The following NUP98 variants were observed in gnomAD, a reference collection of about 807,000 sequenced individuals.
NUP98 encodes the protein nuclear pore complex protein Nup98-Nup96.
A neutral mutation model predicts 191.9 loss-of-function variants in NUP98; 26 were observed. The observed-to-expected ratio is 0.14, with a 90% CI of 0.10 to 0.19. The LOEUF is 0.19. Among genes scored for constraint, NUP98 ranks in the 10% least tolerant of loss-of-function variants. The probability of loss-of-function intolerance (pLI) is 1.00; values close to 1 mark genes in which losing one functional copy is unlikely to be tolerated. For synonymous variants in NUP98, 808 were observed against 778.4 expected, an observed-to-expected ratio of 1.04 and a Z score of -0.63; for missense variants, 1,941 against 2,178.8, an observed-to-expected ratio of 0.89 and a Z score of 2.17.
At chr11:3,791,085 C>G (rs73430457) in intron 1 of NUP98, among the ~76,000 whole-genome samples, 3 of 151,590 alleles carry the variant, frequency 2.0e-5, no homozygotes, top group Non-Finnish European at 2.9e-5. Flanking sequence ...TTAGTAGAGA[C>G]GGGTTTTCAC....
chr11:3,693,017 A>C (rs552335421), intron 27 of NUP98: 13 of 482,514 alleles, frequency 2.7e-5, no homozygotes, highest in African/African-American at 9.7e-5. Flanking sequence ...AATGAAGAAG[A>C]ACCCTCTGAT....
chr11:3,778,264 C>T (rs928532526), intron 4 of NUP98, among the ~76,000 whole-genome samples: 1 of 149,152 alleles, frequency 6.7e-6, no homozygotes, highest in African/African-American at 2.5e-5. Flanking sequence ...TTCTTCCATA[C>T]TCTTGTGCCA....
At chr11:3,762,872 T>C (rs1462735128) in intron 9 of NUP98, 30 bp downstream of exon 9, 5 of 1,605,312 alleles carry the variant, frequency 3.1e-6, no homozygotes, top group Non-Finnish European at 4.2e-6. Context: ...TACACACATC[T>C]TCAAATTACA....
intron 12 of NUP98, among the ~76,000 whole-genome samples, chr11:3,744,244 G>A (rs2080404108): frequency 6.6e-6 from 1 of 152,052 alleles, no homozygotes. Context: ...AGTAATATAA[G>A]CACATTTAGC....
chr11:3,722,679 G>A (rs894865382), intron 16 of NUP98, among the ~76,000 whole-genome samples: 6 of 151,976 alleles, frequency 3.9e-5, no homozygotes, highest in Admixed American at 2.0e-4. Flanking sequence ...AACGGGGTGT[G>A]GTATCATGTG....
At chr11:3,682,409 T>TA (rs2134013526) in intron 30 of NUP98, among the ~76,000 whole-genome samples, 1 of 152,340 alleles carries the variant, frequency 6.6e-6, no homozygotes, top group African/African-American at 2.4e-5. Context: ...TGTTTAAAGT[T>TA]AGAGTTGTGC....
At chr11:3,716,857 T>C (rs181502754) in intron 18 of NUP98, among the ~76,000 whole-genome samples, 55 of 152,224 alleles carry the variant, frequency 3.6e-4, no homozygotes, top group Admixed American at 6.5e-4. Flanking sequence ...GACCTCCAAA[T>C]TGTTCTTTTT....
chr11:3,702,922 A>G (rs771680458), intron 22 of NUP98, 30 bp from the exon 23 acceptor site: 1 of 1,532,818 alleles, frequency 6.5e-7, no homozygotes, highest in South Asian at 1.2e-5. Flanking sequence ...AAGGGGAGAA[A>G]GACTATTACA....
In NUP98 at chr11:3,723,147, T is replaced by G; in HGVS notation, c.2146+10A>C. ...GTAAGAGATTAAACATGCACCAATCTGAACCTGACCTGCTGGGTGCATATG... is the reference window on the plus strand; with the variant it reads ...GTAAGAGATTAAACATGCACCAATCGGAACCTGACCTGCTGGGTGCATATG... On this transcript the variant is annotated intron_variant, in intron 16 of 32. Coordinates refer to ENST00000324932, the MANE Select transcript of NUP98 (RefSeq NM_016320.5). The G allele has an allele frequency of 1.2e-6, 2 of 1,612,468 alleles. No homozygotes were observed. The highest frequency in any genetic ancestry group is 8.5e-7 in the Non-Finnish European group (1 of 1,178,768).
At chr11:3,757,006 T>C (rs538755166) in intron 10 of NUP98, among the ~76,000 whole-genome samples, 49 of 151,718 alleles carry the variant, frequency 3.2e-4, no homozygotes, top group Admixed American at 1.2e-3. Context: ...TAGAATGGTG[T>C]GAACCCGGGA....
At chr11:3,750,706 C>T (rs923272368) in intron 11 of NUP98, among the ~76,000 whole-genome samples, 5 of 152,022 alleles carry the variant, frequency 3.3e-5, no homozygotes. Context: ...TAACCCACTG[C>T]AGCATCTACC....
At chr11:3,777,536 G>A (rs552845238) in intron 4 of NUP98, among the ~76,000 whole-genome samples, 15 of 149,058 alleles carry the variant, frequency 1.0e-4, no homozygotes, top group African/African-American at 3.5e-4. Flanking sequence ...CAGGAGACTC[G>A]CTTAAACTGG....
At chr11:3,759,783 C>A (rs1200885653) in intron 10 of NUP98, among the ~76,000 whole-genome samples, 2 of 136,980 alleles carry the variant, frequency 1.5e-5, no homozygotes, top group Non-Finnish European at 3.4e-5. Flanking sequence ...AAAAAATAAA[C>A]TACTGAATAA....
chr11:3,726,889 A>G (rs1328817595), intron 14 of NUP98, among the ~76,000 whole-genome samples: 1 of 151,860 alleles, frequency 6.6e-6, no homozygotes, highest in Admixed American at 6.6e-5. Flanking sequence ...AGCCTCCCAA[A>G]TAGCTGGGAC....
intron 31 of NUP98, chr11:3,679,350 G>C (rs548448718): frequency 5.9e-6 from 4 of 682,642 alleles, no homozygotes. Context: ...ATACTAGTTG[G>C]TAATCAACAT....
chr11:3,731,533 G>A lies in NUP98; in HGVS notation c.1588C>T (p.Pro530Ser), dbSNP rs1423863063. 1 of 1,603,872 alleles carries A rather than the reference G, an allele frequency of 6.2e-7. No individual in the cohort carries two copies. The highest frequency in any genetic ancestry group is 8.5e-7 in the Non-Finnish European group (1 of 1,174,714). The change falls in exon 14 of 33, where the codon CCT becomes TCT. Residue 530 changes from proline to serine, a missense_variant. Physicochemically the swap from Pro to Ser is moderately conservative, Grantham distance 74. Transcript: ENST00000324932. ...CGGGGTGTCAGTTTATAATGAGTAG[G>A]TGTAGTAAGAGCCTTCTGGGCTGCT... ...NPAAQKALTT[P>S]THYKLTPRPA...
chr11:3,773,619 G>A lies in NUP98; in HGVS notation c.603+13C>T. 2.1e-6 allele frequency: 3 copies of A among 1,459,654 alleles called. No individual in the cohort carries two copies. The highest frequency in any genetic ancestry group is 4.6e-5 in the East Asian group (2 of 43,872). The allele number at this position is 1,459,654 out of a possible 1,614,324, so 90.4% of individuals were successfully genotyped here. ...AAAGGTTAGACTGACATTCTGTATT[G>A]TATTTTACTGACCTCTAGTGACTTG... On this transcript the variant is annotated intron_variant, in intron 6 of 32. Coordinates refer to ENST00000324932, the MANE Select transcript of NUP98 (RefSeq NM_016320.5).
At chr11:3,788,516 G>T (rs2082219347) in intron 1 of NUP98, among the ~76,000 whole-genome samples, 1 of 151,136 alleles carries the variant, frequency 6.6e-6, no homozygotes, top group South Asian at 2.1e-4. Flanking sequence ...GCTTGAACCT[G>T]GGAGGTGGAG....
At chr11:3,772,632 T>C (rs116639191) in intron 6 of NUP98, among the ~76,000 whole-genome samples, 1 of 152,010 alleles carries the variant, frequency 6.6e-6, no homozygotes, top group African/African-American at 2.4e-5. Context: ...CCGGCCAACG[T>C]AGCAAAATCC....
Sources: gnomAD v4.1 joint callset for allele counts (sites outside exome capture counted in the v4.1 genomes callset) on GRCh38, gnomAD v4.1.1 for gene constraint, MANE v1.5 for transcripts, NCBI Gene and HGNC (gene_info 2026-07-23, HGNC 2026-07-21) for gene names.